The following FAM169A variants were observed in gnomAD, a reference collection of about 807,000 sequenced individuals.
The protein encoded by FAM169A is soluble lamin-associated protein of 75 kDa.
Under a neutral mutation model 75.7 loss-of-function variants are expected in FAM169A, and 24 were observed. The ratio of observed to expected loss-of-function variants is 0.32; its 90% CI spans 0.23 to 0.45. The LOEUF is 0.45. Ranked by LOEUF, FAM169A falls within the 20% of genes least tolerant of loss-of-function variation. FAM169A has a pLI of 1.00. For missense variants in FAM169A, 673 were observed against 784.0 expected (o/e 0.86, Z 1.69); for synonymous variants, 271 against 271.0 (o/e 1.00, Z 0.00).
rs142809013 is a variant in FAM169A at position 74,857,369 on chromosome 5, G to A, written c.-4+8796C>T. Among the ~76,000 whole-genome samples, 568 of 151,632 alleles carry A rather than the reference G, an allele frequency of 3.7e-3. 5 individuals carry two copies. The highest frequency in any genetic ancestry group is 0.012 in the African/African-American group (490 of 41,354). Reference sequence around the variant, plus strand: ...AGTTCAAGACCAGCCTGGGCAACACGGCAAAACCCCGTCTCTACAAAAAAT... The same window carrying A: ...AGTTCAAGACCAGCCTGGGCAACACAGCAAAACCCCGTCTCTACAAAAAAT... On this transcript the variant is annotated intron_variant, in intron 1 of 12. Coordinates refer to ENST00000687041, the MANE Select transcript of FAM169A (RefSeq NM_001376049.1).
chr5:74,837,986 G>A (rs1580147117), intron 4 of FAM169A, among the ~76,000 whole-genome samples: 1 of 151,454 alleles, frequency 6.6e-6, no homozygotes, highest in Admixed American at 6.6e-5. Context: ...GCATGGTGGC[G>A]TATGTCTGTA....
intron 1 of FAM169A, among the ~76,000 whole-genome samples, chr5:74,858,407 C>CA (rs1180283854): frequency 4.6e-5 from 7 of 152,026 alleles, no homozygotes; most frequent in Non-Finnish European, 1.0e-4. Flanking sequence ...AAAAAACAAA[C>CA]AAAAACATCG....
chr5:74,837,643 A>C (rs1486695791), intron 4 of FAM169A, among the ~76,000 whole-genome samples: 1 of 152,072 alleles, frequency 6.6e-6, no homozygotes, highest in African/African-American at 2.4e-5. Flanking sequence ...TGTGAATTGG[A>C]GTAACAGGAT....
At position 74,825,729 on chromosome 5, in the gene FAM169A, T is replaced by G. The variant is rs539663969; in HGVS notation, c.490+8697A>C. The stretch of plus-strand genomic sequence containing the variant: ...TTTACCCTTGGTATCTTAAAGGCAT[T>G]ATTCCACTTCTAGTATTCATGTTGC... On this transcript the variant is annotated intron_variant, in intron 5 of 12. Transcript: ENST00000687041. Among the ~76,000 whole-genome samples the G allele has an allele frequency of 2.0e-5, 3 of 152,306 alleles. No individual in the cohort carries two copies. In the South Asian group the frequency reaches 6.2e-4, roughly 32 times the overall value.
chr5:74,804,901 T>C (rs1231593891), intron 7 of FAM169A, among the ~76,000 whole-genome samples: 2 of 152,190 alleles, frequency 1.3e-5, no homozygotes, highest in Non-Finnish European at 2.9e-5. Flanking sequence ...GTTTATTTCT[T>C]ACCCACCAAT....
At chr5:74,794,285 T>C (rs1746139091) in intron 11 of FAM169A, among the ~76,000 whole-genome samples, 1 of 149,276 alleles carries the variant, frequency 6.7e-6, no homozygotes, top group East Asian at 2.0e-4. Flanking sequence ...TCCCAGCTAC[T>C]CAGGAGGCTG....
chr5:74,812,379 G>A (rs915047483), intron 6 of FAM169A, among the ~76,000 whole-genome samples: 6 of 151,700 alleles, frequency 4.0e-5, no homozygotes, highest in South Asian at 4.2e-4. Flanking sequence ...CACCCACCTC[G>A]GGCTCCTAAA....
In FAM169A at chr5:74,783,099, C is replaced by T. The variant is rs1745492945; in HGVS notation, c.1296G>A (p.Met432Ile). 1 of 1,613,558 alleles carries T rather than the reference C, an allele frequency of 6.2e-7. No individual in the cohort carries two copies. Among genetic ancestry groups the T allele is most frequent in the South Asian group, 1.1e-5 (1 of 91,068 alleles). Residue 432 changes from methionine (M) to isoleucine (I), a missense_variant, in exon 12 of 13, where the codon ATG (methionine) becomes ATA (isoleucine). Met to Ile is a conservative substitution (Grantham distance 10, BLOSUM62 1). Transcript: ENST00000687041. Reference protein sequence around the residue: ...SELEPMNGEIMDDSLKTSLIT... With the variant: ...SELEPMNGEIIDDSLKTSLIT... ...TAAGTGAGGTCTTAAGAGAATCGTC[C>T]ATTATCTCACCATTCATAGGCTCTA... is the stretch of plus-strand genomic sequence containing the variant.
chr5:74,794,312 T>A (rs563309516), intron 11 of FAM169A, among the ~76,000 whole-genome samples: 2 of 150,360 alleles, frequency 1.3e-5, no homozygotes, highest in African/African-American at 4.9e-5. Context: ...GAGAATGGCG[T>A]GAACCCAGGA....
chr5:74,825,137 A>C (rs1747958765), intron 5 of FAM169A, among the ~76,000 whole-genome samples: 1 of 152,134 alleles, frequency 6.6e-6, no homozygotes, highest in Admixed American at 6.5e-5. Context: ...ATTTATTACT[A>C]TCTCTCTCAT....
chr5:74,806,048 AAGT>A (rs1438885620), intron 6 of FAM169A, among the ~76,000 whole-genome samples: 1 of 152,018 alleles, frequency 6.6e-6, no homozygotes, highest in Non-Finnish European at 1.5e-5. Flanking sequence ...AGACTTGTCC[AAGT>A]AGATACCAAG....
intron 10 of FAM169A, among the ~76,000 whole-genome samples, chr5:74,796,614 C>T (rs941184433): frequency 1.3e-5 from 2 of 152,092 alleles, no homozygotes; most frequent in Admixed American, 1.3e-4. Flanking sequence ...CCATGTTAGC[C>T]AGGATGGTCT....
intron 1 of FAM169A, among the ~76,000 whole-genome samples, chr5:74,855,223 G>T (rs1561327401): frequency 6.6e-6 from 1 of 152,176 alleles, no homozygotes; most frequent in African/African-American, 2.4e-5. Flanking sequence ...TTCAGACAGG[G>T]TCTGCTCTGT....
chr5:74,851,131 A>G (rs892897211), intron 1 of FAM169A, among the ~76,000 whole-genome samples: 1 of 152,218 alleles, frequency 6.6e-6, no homozygotes, highest in Non-Finnish European at 1.5e-5. Context: ...GGAAGGATAC[A>G]TTATAGTGTT....
intron 5 of FAM169A, among the ~76,000 whole-genome samples, chr5:74,832,020 G>A (rs576606213): frequency 3.3e-5 from 5 of 152,152 alleles, no homozygotes; most frequent in Admixed American, 3.3e-4. Flanking sequence ...AATAAATTAA[G>A]ATAAATTCAG....
At chr5:74,842,660 G>C (rs1748944375) in intron 1 of FAM169A, among the ~76,000 whole-genome samples, 1 of 151,334 alleles carries the variant, frequency 6.6e-6, no homozygotes, top group Admixed American at 6.6e-5. Flanking sequence ...ACCTCCCAAA[G>C]TGCTGGGATT....
intron 11 of FAM169A, among the ~76,000 whole-genome samples, chr5:74,784,417 G>C (rs1272518574): frequency 1.4e-5 from 2 of 145,736 alleles, no homozygotes; most frequent in Admixed American, 7.2e-5. Context: ...GGCTGAGGCA[G>C]AATAGCTTGA....
At chr5:74,833,822 A>G (rs1748439504) in intron 5 of FAM169A, among the ~76,000 whole-genome samples, 1 of 152,216 alleles carries the variant, frequency 6.6e-6, no homozygotes, top group Non-Finnish European at 1.5e-5. Flanking sequence ...AGGGAGCTGA[A>G]TGAATGGGAG....
At position 74,801,617 on chromosome 5, in the gene FAM169A, T is replaced by C. The variant is rs1246483975; in HGVS notation, c.925A>G (p.Lys309Glu). The C allele has an allele frequency of 6.2e-7, 1 of 1,610,170 alleles. No individual in the cohort carries two copies. The highest frequency in any genetic ancestry group is 1.3e-5 in the African/African-American group (1 of 74,650). ...TCGGAAGTGCTTGCAAAGGCATCTT[T>C]TAGAGAATCAATCTAAAAAAGAGAG... ...SEMQLTIDSL[K>E]DAFASTSEGH... is the part of the protein sequence containing the mutation. The change falls in exon 9 of 13, where the codon AAA (lysine) becomes GAA (glutamate). Residue 309 changes from lysine to glutamate, a missense_variant. Around this residue, in one of 3 missense-constraint regions of FAM169A, gnomAD observed 510 missense variants for 550.9 expected, o/e 0.93. Coordinates refer to ENST00000687041, the MANE Select transcript of FAM169A (RefSeq NM_001376049.1).
Sources: allele counts gnomAD v4.1 joint callset (sites outside exome capture counted in the v4.1 genomes callset), GRCh38; gene constraint gnomAD v4.1.1; regional missense constraint gnomAD v4.1.1; transcripts MANE v1.5; gene names NCBI Gene and HGNC (gene_info 2026-07-23, HGNC 2026-07-21).